NDRG3: variants seen among roughly 807,000 people sequenced by gnomAD.
NDRG3 encodes the protein protein NDRG3.
Under a neutral mutation model 57.2 loss-of-function variants are expected in NDRG3, and 23 were observed. The ratio of observed to expected loss-of-function variants is 0.40; its 90% CI spans 0.29 to 0.57. The LOEUF is 0.57. Among genes scored for constraint, NDRG3 ranks in the 20% least tolerant of loss-of-function variants. NDRG3 has a pLI of 0.42. For synonymous variants in NDRG3, 132 were observed against 162.6 expected, an observed-to-expected ratio of 0.81 and a Z score of 1.43; for missense variants, 384 against 457.3, an observed-to-expected ratio of 0.84 and a Z score of 1.46.
chr20:36,731,208 G>A (rs144452716), intron 1 of NDRG3, among the ~76,000 whole-genome samples: 32 of 152,240 alleles, frequency 2.1e-4, no homozygotes, highest in South Asian at 4.1e-4. Flanking sequence ...GAGGTCTGTA[G>A]GCCTGGGCTC....
chr20:36,676,978 G>A (rs527245543), intron 8 of NDRG3, among the ~76,000 whole-genome samples: 1 of 152,348 alleles, frequency 6.6e-6, no homozygotes, highest in South Asian at 2.1e-4. Context: ...CCAAACTGCA[G>A]CTGTGGATCT....
At chr20:36,705,229 G>A (rs1983474353) in intron 3 of NDRG3, among the ~76,000 whole-genome samples, 1 of 151,316 alleles carries the variant, frequency 6.6e-6, no homozygotes, top group African/African-American at 2.4e-5. Context: ...GCTGAGGCAG[G>A]AGAATCGCTT....
intron 1 of NDRG3, among the ~76,000 whole-genome samples, chr20:36,732,191 C>T (rs1043003563): frequency 2.0e-5 from 3 of 152,044 alleles, no homozygotes; most frequent in Non-Finnish European, 4.4e-5. Context: ...AAAAATGTCA[C>T]CAGGAATCCA....
At chr20:36,728,738 G>C (rs977792595) in intron 1 of NDRG3, among the ~76,000 whole-genome samples, 1 of 151,524 alleles carries the variant, frequency 6.6e-6, no homozygotes, top group African/African-American at 2.4e-5. Context: ...TTGGGGGGGA[G>C]GTTTTGAGAC....
At chr20:36,721,055 T>C (rs1365513291) in intron 2 of NDRG3, among the ~76,000 whole-genome samples, 4 of 151,216 alleles carry the variant, frequency 2.6e-5, no homozygotes, top group Non-Finnish European at 5.9e-5. Context: ...GGATTACAGG[T>C]GTGAGCCACT....
chr20:36,700,464 G>A (rs1265123228), intron 3 of NDRG3: 4 of 531,428 alleles, frequency 7.5e-6, no homozygotes, highest in South Asian at 1.4e-5. Flanking sequence ...CATATTTTTC[G>A]TGACCTTGTG....
chr20:36,693,493 T>C (rs1205547658), intron 3 of NDRG3, among the ~76,000 whole-genome samples: 1 of 151,104 alleles, frequency 6.6e-6, no homozygotes, highest in Non-Finnish European at 1.5e-5. Context: ...ACTGCAGGGG[T>C]CCCCAACACC....
At chr20:36,698,264 G>A (rs1050334725) in intron 3 of NDRG3, among the ~76,000 whole-genome samples, 1 of 150,852 alleles carries the variant, frequency 6.6e-6, no homozygotes, top group African/African-American at 2.4e-5. Flanking sequence ...ATCCTGCCCC[G>A]CTGTGGGTTT....
chr20:36,680,258 G>A (rs1156893405), intron 8 of NDRG3, among the ~76,000 whole-genome samples: 1 of 151,718 alleles, frequency 6.6e-6, no homozygotes, highest in East Asian at 2.0e-4. Context: ...AGGCCGAGGC[G>A]GGTGGATCAC....
intron 1 of NDRG3, among the ~76,000 whole-genome samples, chr20:36,725,004 T>C (rs1417720053): frequency 1.3e-5 from 2 of 148,438 alleles, no homozygotes; most frequent in Non-Finnish European, 3.0e-5. Flanking sequence ...CTTTAGAAAA[T>C]ATGAAAATCG....
Position 36,653,390 on chromosome 20 carries a change from T to G in NDRG3, c.*130A>C. 1 of 763,264 alleles carries G rather than the reference T, an allele frequency of 1.3e-6. No individual in the cohort carries two copies. Among genetic ancestry groups the G allele is most frequent in the African/African-American group, 1.8e-5 (1 of 57,098 alleles). The allele number at this position is 763,264 out of a possible 1,614,324, so 47.3% of individuals were successfully genotyped here. A position where few individuals can be genotyped will look rare whatever the true frequency, so the allele number is the denominator to read the frequency against. On this transcript the variant is annotated 3_prime_UTR_variant, in exon 16 of 16. Coordinates refer to ENST00000349004, the MANE Select transcript of NDRG3 (RefSeq NM_032013.4). The surrounding 1 kb of genome is among the most constrained non-coding windows in gnomAD (Gnocchi z 4.2). ...GGCAGAGAGAATGATAAATCCAGGC[T>G]ACTAGAGAGAGGTTCAGTGGCCATG... is the stretch of plus-strand genomic sequence containing the variant.
At chr20:36,677,164 G>A (rs1980812305) in intron 8 of NDRG3, among the ~76,000 whole-genome samples, 1 of 152,212 alleles carries the variant, frequency 6.6e-6, no homozygotes, top group Non-Finnish European at 1.5e-5. Flanking sequence ...GGAGCTCCCA[G>A]GTGCAGCTGC....
At chr20:36,672,075 T>C (rs1171047795) in intron 8 of NDRG3, among the ~76,000 whole-genome samples, 1 of 152,220 alleles carries the variant, frequency 6.6e-6, no homozygotes, top group African/African-American at 2.4e-5. Flanking sequence ...AACTTAACAA[T>C]CACTCCCATG....
intron 4 of NDRG3, 123 bp downstream of exon 4, chr20:36,688,556 A>G (rs546587349): frequency 2.8e-6 from 2 of 707,066 alleles, no homozygotes; most frequent in South Asian, 3.4e-5. Flanking sequence ...TGTAGGAACA[A>G]GGAGGGAAAG....
At chr20:36,738,856 G>A (rs1985752762) in intron 1 of NDRG3, among the ~76,000 whole-genome samples, 1 of 149,954 alleles carries the variant, frequency 6.7e-6, no homozygotes, top group South Asian at 2.1e-4. Flanking sequence ...AGCCAGAGTG[G>A]CTCATGCCTG....
At chr20:36,661,211 A>G (rs1466336827) in intron 12 of NDRG3, among the ~76,000 whole-genome samples, 1 of 151,950 alleles carries the variant, frequency 6.6e-6, no homozygotes, top group Non-Finnish European at 1.5e-5. Flanking sequence ...TATCCAGTCC[A>G]AAGTTGAACT....
intron 3 of NDRG3, among the ~76,000 whole-genome samples, chr20:36,693,559 G>C (rs1283748919): frequency 6.6e-6 from 1 of 151,910 alleles, no homozygotes; most frequent in Non-Finnish European, 1.5e-5. Context: ...CGCACAGGAG[G>C]AGGTGAGTGG....
At position 36,656,592 on chromosome 20, in the gene NDRG3, C is replaced by T; in HGVS notation, c.859-60G>A. On this transcript the variant is annotated intron_variant, in intron 13 of 15. Transcript: ENST00000349004. ...TTACCCTTAAGAGAATTGCTCTGAACACCCCAAGTCCTTTCAAACAGAACA... is the reference window on the plus strand; with the variant it reads ...TTACCCTTAAGAGAATTGCTCTGAATACCCCAAGTCCTTTCAAACAGAACA... 3 of 1,576,244 alleles carry T rather than the reference C, an allele frequency of 1.9e-6. No individual in the cohort carries two copies. In the South Asian group the frequency reaches 3.4e-5, roughly 18 times the overall value.
chr20:36,676,196 T>C (rs894584260), intron 8 of NDRG3, among the ~76,000 whole-genome samples: 1 of 151,856 alleles, frequency 6.6e-6, no homozygotes, highest in African/African-American at 2.4e-5. Flanking sequence ...GCCGAGATAG[T>C]GCCACTGCAC....
Sources: gnomAD v4.1 joint callset for allele counts (sites outside exome capture counted in the v4.1 genomes callset) on GRCh38, gnomAD v4.1.1 for gene constraint, Gnocchi (gnomAD v3.1) non-coding constraint, MANE v1.5 for transcripts, NCBI Gene and HGNC (gene_info 2026-07-23, HGNC 2026-07-21) for gene names.